The following GPD2 variants were observed in gnomAD, a reference collection of about 807,000 sequenced individuals.
The protein encoded by GPD2 is glycerol-3-phosphate dehydrogenase 2, also known as glycerol-3-phosphate dehydrogenase, mitochondrial.
A neutral mutation model predicts 82.4 loss-of-function variants in GPD2; 54 were observed. That is an observed-to-expected ratio of 0.66 (90% confidence interval 0.53 to 0.82). The LOEUF (loss-of-function observed/expected upper bound fraction) is 0.82. GPD2 is among the 40% of genes least tolerant of loss of function. The pLI is 0.00. For synonymous variants in GPD2, 288 were observed against 306.1 expected, an observed-to-expected ratio of 0.94 and a Z score of 0.62; for missense variants, 748 against 896.2, an observed-to-expected ratio of 0.83 and a Z score of 2.11.
chr2:156,404,329 A>G, the GPD2 span, among the ~76,000 whole-genome samples: 2 of 152,198 alleles, frequency 1.3e-5, no homozygotes, highest in African/African-American at 4.8e-5. Context: ...GGCTGGCTGC[A>G]GTGAGCTATA....
intron 13 of GPD2, among the ~76,000 whole-genome samples, chr2:156,572,313 T>G (rs1186715459): frequency 6.6e-6 from 1 of 152,184 alleles, no homozygotes; most frequent in Non-Finnish European, 1.5e-5. Context: ...ATAACTGAAT[T>G]CAACCCTTTC....
intron 6 of GPD2, among the ~76,000 whole-genome samples, chr2:156,538,352 T>C (rs1686159291): frequency 1.3e-5 from 2 of 152,144 alleles, no homozygotes; most frequent in Non-Finnish European, 1.5e-5. Context: ...CCATACATTG[T>C]TGTCCTTGCA....
chr2:156,400,470 G>A, the GPD2 span, among the ~76,000 whole-genome samples: 45 of 152,340 alleles, frequency 3.0e-4, no homozygotes, highest in African/African-American at 1.0e-3. Context: ...GCACCCGGGA[G>A]TCCCGCCGCT....
intron 13 of GPD2, among the ~76,000 whole-genome samples, chr2:156,574,753 G>A (rs1406506043): frequency 6.6e-6 from 1 of 152,150 alleles, no homozygotes; most frequent in South Asian, 2.1e-4. Flanking sequence ...ATGTGGATGT[G>A]TATGAGTAGT....
the GPD2 span, among the ~76,000 whole-genome samples, chr2:156,415,955 A>G: frequency 2.2e-4 from 31 of 142,496 alleles, no homozygotes; most frequent in African/African-American, 7.5e-4. Flanking sequence ...CGGGAGGCGG[A>G]GCTTGCAGTG....
intron 2 of GPD2, among the ~76,000 whole-genome samples, chr2:156,477,603 C>T (rs938865946): frequency 2.6e-5 from 4 of 152,164 alleles, no homozygotes; most frequent in African/African-American, 9.7e-5. Flanking sequence ...TCTTTTTCTG[C>T]ATTCTGAACT....
At chr2:156,535,389 TG>T (rs5835622) in intron 6 of GPD2, among the ~76,000 whole-genome samples, 60,470 of 91,404 alleles carry the variant, frequency 0.66, 19,072 homozygotes, top group Middle Eastern at 0.8. Context: ...GAAAAAGACC[TG>T]GGGGGGGGCG....
At position 156,472,646 on chromosome 2, in the gene GPD2, T is replaced by A. The variant is rs556253056; in HGVS notation, c.-8-3452T>A. On this transcript the variant is annotated intron_variant, in intron 1 of 16. Transcript: ENST00000438166. ...CCTAAAACAAAGGTCTTACATTACC[T>A]GGCAGAAGATTACTAGTAGATACTT... 4.9e-4 allele frequency among the ~76,000 whole-genome samples: 74 copies of A among 152,314 alleles called. 1 individual carries two copies. In the South Asian group the frequency reaches 0.015, roughly 30 times the overall value.
At chr2:156,524,296 A>G (rs375976999) in intron 6 of GPD2, among the ~76,000 whole-genome samples, 1 of 152,208 alleles carries the variant, frequency 6.6e-6, no homozygotes, top group East Asian at 1.9e-4. Flanking sequence ...GCTGCATAAG[A>G]AGCAACACCT....
the GPD2 span, among the ~76,000 whole-genome samples, chr2:156,428,535 C>A: frequency 6.6e-6 from 1 of 152,176 alleles, no homozygotes; most frequent in Admixed American, 6.5e-5. Flanking sequence ...TTTCTAGATG[C>A]CCTGACACCA....
intron 6 of GPD2, among the ~76,000 whole-genome samples, chr2:156,537,904 T>C (rs1421339926): frequency 6.6e-6 from 1 of 152,260 alleles, no homozygotes; most frequent in Non-Finnish European, 1.5e-5. Flanking sequence ...ATTATATCTG[T>C]AGGTAGTTCC....
intron 16 of GPD2, among the ~76,000 whole-genome samples, chr2:156,580,746 G>C (rs1687999318): frequency 6.6e-6 from 1 of 152,178 alleles, no homozygotes; most frequent in Non-Finnish European, 1.5e-5. Flanking sequence ...CTGCAGATAA[G>C]AGCATTGTTG....
At chr2:156,540,215 G>A (rs1370539692) in intron 6 of GPD2, among the ~76,000 whole-genome samples, 3 of 152,196 alleles carry the variant, frequency 2.0e-5, no homozygotes, top group East Asian at 1.9e-4. Context: ...ATCACGTCAC[G>A]TCTTGCTGTG....
the GPD2 span, among the ~76,000 whole-genome samples, chr2:156,418,834 T>A: frequency 6.6e-6 from 1 of 152,076 alleles, no homozygotes; most frequent in Admixed American, 6.6e-5. Context: ...GTACATTGTC[T>A]TGTGAAAGTT....
intron 6 of GPD2, among the ~76,000 whole-genome samples, chr2:156,529,759 C>T (rs1167257347): frequency 4.6e-5 from 7 of 150,960 alleles, no homozygotes; most frequent in Admixed American, 6.6e-5. Flanking sequence ...AGATATGTGG[C>T]GTTATTTCTG....
At chr2:156,423,578 A>T in the GPD2 span, among the ~76,000 whole-genome samples, 1 of 152,130 alleles carries the variant, frequency 6.6e-6, no homozygotes, top group Non-Finnish European at 1.5e-5. Flanking sequence ...TTACTCTCTT[A>T]TGGTAATTAT....
At chr2:156,502,274 A>C (rs886379019) in intron 3 of GPD2, among the ~76,000 whole-genome samples, 2 of 152,206 alleles carry the variant, frequency 1.3e-5, no homozygotes, top group African/African-American at 4.8e-5. Flanking sequence ...TAAGTATGAC[A>C]GCAAAAAGCC....
Position 156,549,749 on chromosome 2 carries a change from C to T in GPD2, c.803C>T (p.Ala268Val), listed in dbSNP as rs984300298. ...ACAGGGAAAGTGCGTGTGAGCGGCG[C>T]ACGGTGCAAGGATGTCCTCACAGGT... is the stretch of plus-strand genomic sequence containing the variant. ...PQTGKVRVSG[A>V]RCKDVLTGQE... is the part of the protein sequence containing the mutation. Residue 268 changes from alanine (A) to valine (V), a missense_variant, in exon 7 of 17, where the codon GCA becomes GTA. This residue lies in a region of GPD2 where 692 missense variants were observed against 809.7 expected (regional missense o/e 0.85). Coordinates refer to ENST00000438166, the MANE Select transcript of GPD2 (RefSeq NM_000408.5). 1.9e-6 allele frequency: 3 copies of T among 1,613,682 alleles called. No individual in the cohort carries two copies. Among genetic ancestry groups the T allele is most frequent in the Non-Finnish European group, 2.5e-6 (3 of 1,179,754 alleles).
the GPD2 span, among the ~76,000 whole-genome samples, chr2:156,426,179 T>A: frequency 6.6e-6 from 1 of 152,176 alleles, no homozygotes; most frequent in African/African-American, 2.4e-5. Flanking sequence ...CGCCTTGGCC[T>A]CCCAAAGTGC....
Sources: allele counts gnomAD v4.1 joint callset (sites outside exome capture counted in the v4.1 genomes callset), GRCh38; gene constraint gnomAD v4.1.1; regional missense constraint gnomAD v4.1.1; transcripts MANE v1.5; gene names NCBI Gene and HGNC (gene_info 2026-07-23, HGNC 2026-07-21).